SLMAP: variants seen among roughly 807,000 people sequenced by gnomAD.
The protein encoded by SLMAP is sarcolemmal membrane-associated protein.
In SLMAP, 44 loss-of-function variants were observed where a neutral mutation model predicts 128.8. The observed-to-expected ratio is 0.34, with a 90% CI of 0.27 to 0.44. The LOEUF is 0.44. Ranked by LOEUF, SLMAP falls within the 20% of genes least tolerant of loss-of-function variation. The pLI, the probability that SLMAP is intolerant of heterozygous loss-of-function variation, is 1.00. For missense variants in SLMAP, 787 were observed against 985.3 expected, an observed-to-expected ratio of 0.80 and a Z score of 2.69; for synonymous variants, 327 against 348.8, an observed-to-expected ratio of 0.94 and a Z score of 0.70.
chr3:57,847,601 G>A (rs924285114), intron 5 of SLMAP, among the ~76,000 whole-genome samples: 20 of 152,152 alleles, frequency 1.3e-4, no homozygotes, highest in Non-Finnish European at 2.5e-4. Flanking sequence ...CCAATACAGG[G>A]AGGTAATACA....
At chr3:57,825,495 GTTTTC>G (rs1052881368) in intron 2 of SLMAP, among the ~76,000 whole-genome samples, 2 of 120,516 alleles carry the variant, frequency 1.7e-5, no homozygotes, top group Non-Finnish European at 1.8e-5. Flanking sequence ...ATGATTGTGT[GTTTTC>G]TTTTTTTTTT....
At chr3:57,812,664 C>A (rs1332103830) in intron 2 of SLMAP, among the ~76,000 whole-genome samples, 2 of 152,074 alleles carry the variant, frequency 1.3e-5, no homozygotes, top group Non-Finnish European at 2.9e-5. Context: ...GTATTATTGG[C>A]ATCTTAACAG....
intron 14 of SLMAP, among the ~76,000 whole-genome samples, chr3:57,887,853 T>G (rs1264765711): frequency 1.3e-5 from 2 of 152,188 alleles, no homozygotes; most frequent in Non-Finnish European, 2.9e-5. Flanking sequence ...AAATCCCTAC[T>G]ATGTGTACTG....
At chr3:57,780,894 C>G (rs1408446307) in intron 2 of SLMAP, among the ~76,000 whole-genome samples, 2 of 151,908 alleles carry the variant, frequency 1.3e-5, no homozygotes, top group African/African-American at 2.4e-5. Context: ...CTACCCACCT[C>G]AGACTCCCCA....
At chr3:57,821,296 C>A (rs2092487096) in intron 2 of SLMAP, among the ~76,000 whole-genome samples, 1 of 152,138 alleles carries the variant, frequency 6.6e-6, no homozygotes. Context: ...ACAGTGAACA[C>A]ATCTAGAATG....
chr3:57,909,748 G>T (rs1189573330), intron 19 of SLMAP, among the ~76,000 whole-genome samples: 2 of 151,784 alleles, frequency 1.3e-5, no homozygotes, highest in Admixed American at 6.6e-5. Context: ...GAGTAGCTGG[G>T]ATTACAGGCA....
At chr3:57,865,144 T>C in intron 12 of SLMAP, 98 bp from the exon 13 acceptor site, 2 of 670,966 alleles carry the variant, frequency 3.0e-6, no homozygotes, top group Non-Finnish European at 5.0e-6. Flanking sequence ...TTCTATACAA[T>C]CTTAATCTTA....
At position 57,843,305 on chromosome 3, in the gene SLMAP, CTT is replaced by C; in HGVS notation, c.419+1957_419+1958del. On this transcript the variant is annotated intron_variant, in intron 4 of 24. Transcript: ENST00000671191. Reference sequence around the variant, plus strand: ...TTTTCTTTTTTCTTTCTTTCTTTTCCTTTTTTTTTTTTTTTTTTTTTTTTCTT... The same window carrying C: ...TTTTCTTTTTTCTTTCTTTCTTTTCCTTTTTTTTTTTTTTTTTTTTTTCTT... Among the ~76,000 whole-genome samples the C allele has an allele frequency of 6.3e-3, 580 of 92,016 alleles. 2 individuals carry two copies. The highest frequency in any genetic ancestry group is 0.025 in the African/African-American group (547 of 22,002). 60.4% of individuals were successfully genotyped at this position (92,016 alleles called of 152,430 possible).
At chr3:57,804,968 A>G (rs1248758461) in intron 2 of SLMAP, among the ~76,000 whole-genome samples, 2 of 152,150 alleles carry the variant, frequency 1.3e-5, no homozygotes, top group Admixed American at 6.5e-5. Context: ...CAAAAAGTTA[A>G]TACAACAGAA....
chr3:57,915,559 C>A (rs2096792648), intron 21 of SLMAP, among the ~76,000 whole-genome samples: 1 of 152,196 alleles, frequency 6.6e-6, no homozygotes, highest in African/African-American at 2.4e-5. Flanking sequence ...ATCAGACCCA[C>A]CCCAAAGAAT....
chr3:57,803,429 A>G (rs1465984705), intron 2 of SLMAP, among the ~76,000 whole-genome samples: 2 of 152,232 alleles, frequency 1.3e-5, no homozygotes, highest in Non-Finnish European at 2.9e-5. Flanking sequence ...AATTAGTGCT[A>G]GTGCTAGAGA....
chr3:57,765,482 A>G (rs945301332), intron 2 of SLMAP, among the ~76,000 whole-genome samples: 2 of 152,180 alleles, frequency 1.3e-5, no homozygotes, highest in Non-Finnish European at 2.9e-5. Flanking sequence ...ATGATACGGC[A>G]TGTTCCAAGG....
intron 14 of SLMAP, among the ~76,000 whole-genome samples, chr3:57,873,258 T>C (rs2095525869): frequency 6.6e-6 from 1 of 152,194 alleles, no homozygotes; most frequent in Admixed American, 6.5e-5. Context: ...ATCCCAGCAC[T>C]TTGGGAGGCC....
chr3:57,821,231 CT>C (rs1435116649), intron 2 of SLMAP, among the ~76,000 whole-genome samples: 2 of 152,122 alleles, frequency 1.3e-5, no homozygotes, highest in East Asian at 3.9e-4. Flanking sequence ...TGTAGAAATA[CT>C]TTTTCTTTCT....
chr3:57,861,010 G>A (rs1455327674), intron 9 of SLMAP, among the ~76,000 whole-genome samples, 171 bp downstream of exon 9: 2 of 152,194 alleles, frequency 1.3e-5, no homozygotes, highest in African/African-American at 4.8e-5. Context: ...TTCTCCATGT[G>A]AGTTTTGGTA....
chr3:57,859,423 A>G (rs2094945918), intron 8 of SLMAP, among the ~76,000 whole-genome samples: 1 of 151,944 alleles, frequency 6.6e-6, no homozygotes, highest in Admixed American at 6.6e-5. Flanking sequence ...GCATAGTGGT[A>G]CATAACCTGT....
rs950229387 is a variant in SLMAP, at chr3:57,864,605, T to C, written c.1024T>C (p.Leu342=). 2.5e-6 allele frequency: 4 copies of C among 1,592,980 alleles called. No homozygotes were observed. Among genetic ancestry groups the C allele is most frequent in the Non-Finnish European group, 2.6e-6 (3 of 1,174,702 alleles). The part of the protein sequence containing the change: ...QQKGQAEKKE[L]QHKIDEMEEK... ...GAAGGGACAGGCTGAGAAAAAAGAA[T>C]TACAACATAAAATAGATGAAATGGA... Residue 342 remains leucine, a synonymous_variant, in exon 11 of 25, where the codon TTA becomes CTA. Transcript: ENST00000671191.
At chr3:57,912,225 C>A in intron 19 of SLMAP, 156 bp from the exon 20 acceptor site, 1 of 538,706 alleles carries the variant, frequency 1.9e-6, no homozygotes, top group Non-Finnish European at 3.2e-6. Flanking sequence ...TCTTTGCTAT[C>A]TGTATTTTGA....
At chr3:57,847,459 T>A (rs1443903011) in intron 5 of SLMAP, among the ~76,000 whole-genome samples, 1 of 152,238 alleles carries the variant, frequency 6.6e-6, no homozygotes, top group Non-Finnish European at 1.5e-5. Flanking sequence ...AATTATTCAC[T>A]GTGTAAACTA....
Sources: allele counts gnomAD v4.1 joint callset (sites outside exome capture counted in the v4.1 genomes callset), GRCh38; gene constraint gnomAD v4.1.1; transcripts MANE v1.5; gene names NCBI Gene and HGNC (gene_info 2026-07-23, HGNC 2026-07-21).